The following TNRC6C variants were observed in gnomAD, a reference collection of about 807,000 sequenced individuals.
TNRC6C encodes the protein trinucleotide repeat containing adaptor 6C.
TNRC6C carries 20 observed loss-of-function variants against 153.7 expected under a neutral mutation model. That is an observed-to-expected ratio of 0.13 (90% CI 0.09 to 0.19). TNRC6C has a LOEUF of 0.19. Ranked by LOEUF, TNRC6C falls within the 10% of genes least tolerant of loss-of-function variation. The pLI is 1.00. For synonymous variants in TNRC6C, 811 were observed against 841.4 expected (o/e 0.96, Z 0.63); for missense variants, 1,987 against 2,172.0 (o/e 0.91, Z 1.69).
At chr17:78,043,452 A>G (rs942580217) in intron 2 of TNRC6C, among the ~76,000 whole-genome samples, 6 of 152,212 alleles carry the variant, frequency 3.9e-5, no homozygotes, top group Non-Finnish European at 8.8e-5. Context: ...CTGTGGGTAC[A>G]TAGAAGGTAT....
intron 17 of TNRC6C, among the ~76,000 whole-genome samples, chr17:78,098,899 C>T (rs550183551): frequency 5.1e-4 from 78 of 152,170 alleles, no homozygotes; most frequent in Non-Finnish European, 8.7e-4. Flanking sequence ...GCCCCCATGA[C>T]TCCCCTTCGC....
At chr17:78,059,943 T>A (rs186479193) in intron 3 of TNRC6C, among the ~76,000 whole-genome samples, 1 of 152,192 alleles carries the variant, frequency 6.6e-6, no homozygotes, top group East Asian at 1.9e-4. Context: ...ATTAGTATCG[T>A]GAAATCAAAA....
At chr17:77,986,426 A>AAAGAAG (rs56405899) in intron 1 of TNRC6C, among the ~76,000 whole-genome samples, 8 of 141,038 alleles carry the variant, frequency 5.7e-5, no homozygotes, top group East Asian at 2.0e-4. Flanking sequence ...AAAAAAAAAA[A>AAAGAAG]AAGAAGAAGA....
rs1264159678 is a variant in TNRC6C, at chr17:78,074,523, CTG to C, written c.2918-610_2918-609del. On this transcript the variant is annotated intron_variant, in intron 7 of 19. Coordinates refer to ENST00000301624, the Ensembl canonical transcript of TNRC6C. ...GTGTGCTGCAAGAGGTGAATTCTAA[CTG>C]TGGAGTAGGACAGAGTTAGGGTGGG... is the stretch of plus-strand genomic sequence containing the variant. Among the ~76,000 whole-genome samples the C allele has an allele frequency of 2.6e-4, 39 of 152,338 alleles. No homozygotes were observed. The East Asian group carries it at 6.6e-3, about 26-fold the overall frequency.
intron 2 of TNRC6C, among the ~76,000 whole-genome samples, chr17:78,040,140 T>C (rs897960359): frequency 2.0e-5 from 3 of 152,224 alleles, no homozygotes; most frequent in Admixed American, 1.3e-4. Flanking sequence ...TGTAAATTCA[T>C]GTATTGATTT....
chr17:78,082,115 T>C (rs1359985265), intron 10 of TNRC6C, among the ~76,000 whole-genome samples: 1 of 150,828 alleles, frequency 6.6e-6, no homozygotes, highest in African/African-American at 2.4e-5. Flanking sequence ...GCAACAGGGC[T>C]CTTTCTTTGT....
At chr17:77,996,429 C>T (rs1314453137) in intron 1 of TNRC6C, among the ~76,000 whole-genome samples, 3 of 152,174 alleles carry the variant, frequency 2.0e-5, no homozygotes, top group African/African-American at 7.2e-5. Flanking sequence ...GTAGCAGGCA[C>T]TGATGGCAGG....
chr17:78,074,232 A>G (rs2073046717), intron 7 of TNRC6C, among the ~76,000 whole-genome samples: 1 of 152,236 alleles, frequency 6.6e-6, no homozygotes, highest in South Asian at 2.1e-4. Context: ...TAAATGGACC[A>G]CAAAAAGGAC....
exon 20 of TNRC6C, chr17:78,108,455 G>A (rs916585590): frequency 1.9e-5 from 3 of 154,842 alleles, no homozygotes; most frequent in African/African-American, 7.2e-5. Flanking sequence ...CTCAGCAAGA[G>A]TTCGTTTTGT....
chr17:78,073,995 A>AT (rs2073042066), intron 7 of TNRC6C, among the ~76,000 whole-genome samples: 1 of 152,120 alleles, frequency 6.6e-6, no homozygotes, highest in African/African-American at 2.4e-5. Context: ...AGGTCAGTGA[A>AT]TTTTTTAGGA....
At chr17:78,008,428 C>A (rs539823105) in intron 1 of TNRC6C, 1 of 152,316 alleles carries the variant, frequency 6.6e-6, no homozygotes, top group East Asian at 1.9e-4. Flanking sequence ...AACATTCATA[C>A]CCCCATCCTA....
intron 1 of TNRC6C, among the ~76,000 whole-genome samples, chr17:77,985,831 T>C (rs2144124001): frequency 6.6e-6 from 1 of 152,222 alleles, no homozygotes; most frequent in African/African-American, 2.4e-5. Flanking sequence ...GGTATGTGTA[T>C]CCCAGGGGCC....
At chr17:78,087,359 C>T (rs2073314135) in intron 13 of TNRC6C, among the ~76,000 whole-genome samples, 1 of 152,014 alleles carries the variant, frequency 6.6e-6, no homozygotes, top group Non-Finnish European at 1.5e-5. Context: ...CTCAAGCAAT[C>T]CTCCCACCTC....
At chr17:78,100,317 C>G (rs1165440691) in intron 17 of TNRC6C, among the ~76,000 whole-genome samples, 1 of 152,244 alleles carries the variant, frequency 6.6e-6, no homozygotes, top group Non-Finnish European at 1.5e-5. Flanking sequence ...TCCATGAGAG[C>G]CCTGCCCCAC....
At chr17:78,074,373 A>T (rs562838589) in intron 7 of TNRC6C, among the ~76,000 whole-genome samples, 2 of 152,182 alleles carry the variant, frequency 1.3e-5, no homozygotes, top group Non-Finnish European at 2.9e-5. Flanking sequence ...GGGGGTTACA[A>T]ATTTTAGCAA....
intron 1 of TNRC6C, among the ~76,000 whole-genome samples, chr17:77,967,581 T>C (rs2070907806): frequency 6.6e-6 from 1 of 152,102 alleles, no homozygotes; most frequent in African/African-American, 2.4e-5. Context: ...TGCACTACTG[T>C]TTTCTGTAGG....
upstream of TNRC6C, among the ~76,000 whole-genome samples, chr17:78,000,225 C>T (rs1311349873): frequency 6.6e-6 from 1 of 152,186 alleles, no homozygotes; most frequent in African/African-American, 2.4e-5. Flanking sequence ...CCTTGTGACT[C>T]TAAATCTCAA....
intron 1 of TNRC6C, among the ~76,000 whole-genome samples, chr17:77,967,055 G>A (rs1485495384): frequency 6.6e-6 from 1 of 152,100 alleles, no homozygotes; most frequent in Non-Finnish European, 1.5e-5. Context: ...GTAGAGTGGG[G>A]AAACTTTAAA....
At chr17:77,970,476 A>G (rs549312961) in intron 1 of TNRC6C, among the ~76,000 whole-genome samples, 12 of 152,132 alleles carry the variant, frequency 7.9e-5, no homozygotes, top group Non-Finnish European at 1.5e-4. Context: ...AGTGTGAGCA[A>G]CCTCACCTGG....
Sources: gnomAD v4.1 joint callset for allele counts (sites outside exome capture counted in the v4.1 genomes callset) on GRCh38, gnomAD v4.1.1 for gene constraint, MANE v1.5 for transcripts, NCBI Gene and HGNC (gene_info 2026-07-23, HGNC 2026-07-21) for gene names.